The following DGKD variants were observed in gnomAD, a reference collection of about 807,000 sequenced individuals.
The protein encoded by DGKD is diacylglycerol kinase delta.
A neutral mutation model predicts 154.4 loss-of-function variants in DGKD; 68 were observed. That is an observed-to-expected ratio of 0.44 (90% confidence interval 0.36 to 0.54). The LOEUF (loss-of-function observed/expected upper bound fraction) is 0.54, where lower values mean the gene tolerates loss of function less well. DGKD is among the 20% of genes least tolerant of loss of function. DGKD has a pLI of 0.00. For synonymous variants in DGKD, 693 were observed against 638.0 expected, an observed-to-expected ratio of 1.09 and a Z score of -1.30; for missense variants, 1,343 against 1,593.6, an observed-to-expected ratio of 0.84 and a Z score of 2.68.
chr2:233,451,592 G>A (rs970182127), intron 17 of DGKD, among the ~76,000 whole-genome samples: 8 of 150,216 alleles, frequency 5.3e-5, no homozygotes, highest in African/African-American at 2.0e-4. Context: ...TTTTAAAAGA[G>A]GGTCTCTCTC....
At position 233,395,199 on chromosome 2, in the gene DGKD, C is replaced by CTT. The variant is rs551057616; in HGVS notation, c.348+4717_348+4718dup. ...TATTTATTTATTTTTGAGACAAGGT[C>CTT]TTGCTCTGTCACCCAGGCTGGAGTA... is the stretch of plus-strand genomic sequence containing the variant. On this transcript the variant is annotated intron_variant, in intron 3 of 29. Transcript: ENST00000264057. Among the ~76,000 whole-genome samples, 413 of 152,244 alleles carry CTT rather than the reference C, an allele frequency of 2.7e-3. 3 individuals are homozygous for CTT. Among genetic ancestry groups the CTT allele is most frequent in the Non-Finnish European group, 4.7e-3 (318 of 68,018 alleles).
intron 3 of DGKD, among the ~76,000 whole-genome samples, chr2:233,406,760 C>A (rs2125500468): frequency 6.6e-6 from 1 of 152,276 alleles, no homozygotes; most frequent in African/African-American, 2.4e-5. Flanking sequence ...AGACGAGGAG[C>A]TCTTGTATGA....
intron 3 of DGKD, among the ~76,000 whole-genome samples, chr2:233,421,920 A>C (rs541233405): frequency 1.8e-4 from 28 of 152,258 alleles, no homozygotes; most frequent in Non-Finnish European, 3.1e-4. Flanking sequence ...TTTGGAGCCC[A>C]ATGATGAAGA....
intron 19 of DGKD, among the ~76,000 whole-genome samples, chr2:233,455,919 G>A (rs2063445783): frequency 6.6e-6 from 1 of 152,258 alleles, no homozygotes; most frequent in South Asian, 2.1e-4. Context: ...ACATATCCCT[G>A]TACAGCACAG....
chr2:233,363,384 T>A (rs1436013748), intron 1 of DGKD, among the ~76,000 whole-genome samples: 1 of 152,170 alleles, frequency 6.6e-6, no homozygotes, highest in Admixed American at 6.5e-5. Flanking sequence ...AATAAGGATA[T>A]AAAGAAAATA....
intron 3 of DGKD, among the ~76,000 whole-genome samples, chr2:233,416,118 ATGTTTTATTGTGGTAGAATAC>A (rs1409991743): frequency 3.9e-5 from 6 of 152,068 alleles, no homozygotes; most frequent in Non-Finnish European, 5.9e-5. Flanking sequence ...TCCCTCATTT[ATGTTTTATTGTGGTAGAATAC>A]TGTTTTATTG....
At chr2:233,414,564 GC>G (rs1176204200) in intron 3 of DGKD, among the ~76,000 whole-genome samples, 6 of 152,202 alleles carry the variant, frequency 3.9e-5, no homozygotes, top group Non-Finnish European at 8.8e-5. Flanking sequence ...TGTGGCCCCA[GC>G]TCCTGACATT....
Position 233,394,690 on chromosome 2 carries a change from CCTTTTTTTTTTT to C in DGKD, c.348+4208_348+4219del, listed in dbSNP as rs1255308954. ...TTCCTTATTATTTTGAATTTAATTC[CCTTTTTTTTTTT>C]TTTTTTTTTTTTTTTTTTTTTTAGA... On this transcript the variant is annotated intron_variant, in intron 3 of 29. Coordinates refer to ENST00000264057, the MANE Select transcript of DGKD (RefSeq NM_152879.3). 2.2e-4 allele frequency among the ~76,000 whole-genome samples: 18 copies of C among 83,260 alleles called. 1 individual carries two copies. Among genetic ancestry groups the C allele is most frequent in the African/African-American group, 3.1e-4 (7 of 22,698 alleles). 54.6% of individuals were successfully genotyped at this position (83,260 alleles called of 152,430 possible).
chr2:233,456,086 CTT>C (rs961768537), intron 19 of DGKD, among the ~76,000 whole-genome samples: 1 of 152,212 alleles, frequency 6.6e-6, no homozygotes, highest in Non-Finnish European at 1.5e-5. Flanking sequence ...TCAAACCTCT[CTT>C]GAGTTTGTAT....
At position 233,440,780 on chromosome 2, in the gene DGKD, T is replaced by C. The variant is rs990443926; in HGVS notation, c.1086-1107T>C. On this transcript the variant is annotated intron_variant, in intron 9 of 29. Coordinates refer to ENST00000264057, the MANE Select transcript of DGKD (RefSeq NM_152879.3). This position sits in a 1 kb window ranked among gnomAD's most constrained non-coding sequence, Gnocchi z 4.9. Reference sequence around the variant, plus strand: ...AAAGCAAGGCCCGTGGCCAGGCTCGTGTTTTAGAAAGGTCTTCCTGGAACT... The same window carrying C: ...AAAGCAAGGCCCGTGGCCAGGCTCGCGTTTTAGAAAGGTCTTCCTGGAACT... Among the ~76,000 whole-genome samples the C allele has an allele frequency of 2.6e-5, 4 of 152,010 alleles. No individual in the cohort carries two copies. Among genetic ancestry groups the C allele is most frequent in the Middle Eastern group, 3.2e-3 (1 of 316 alleles).
chr2:233,437,987 A>G (rs1057079815), intron 8 of DGKD, among the ~76,000 whole-genome samples: 4 of 152,178 alleles, frequency 2.6e-5, no homozygotes, highest in Admixed American at 6.5e-5. Context: ...AGACAGCAGA[A>G]AGGTGGCATT....
chr2:233,461,119 A>C (rs1386577529), intron 24 of DGKD, among the ~76,000 whole-genome samples: 1 of 151,648 alleles, frequency 6.6e-6, no homozygotes, highest in East Asian at 1.9e-4. Context: ...GGTGGTCAGC[A>C]TTGTCTGCCA....
At chr2:233,416,374 C>T (rs2061961015) in intron 3 of DGKD, among the ~76,000 whole-genome samples, 1 of 152,202 alleles carries the variant, frequency 6.6e-6, no homozygotes, top group African/African-American at 2.4e-5. Context: ...CTAAGGGTGA[C>T]ACCTGGCCCA....
chr2:233,395,843 A>C (rs1268522723), intron 3 of DGKD, among the ~76,000 whole-genome samples: 1 of 151,778 alleles, frequency 6.6e-6, no homozygotes, highest in Non-Finnish European at 1.5e-5. Flanking sequence ...CAAGTTCACA[A>C]ATTTTATTAT....
chr2:233,386,996 A>G (rs186283639), intron 1 of DGKD, among the ~76,000 whole-genome samples: 6 of 152,260 alleles, frequency 3.9e-5, no homozygotes, highest in Non-Finnish European at 8.8e-5. Flanking sequence ...GTCCGTCCAC[A>G]TGTTGATGGC....
intron 1 of DGKD, among the ~76,000 whole-genome samples, chr2:233,366,698 C>T (rs775461624): frequency 1.3e-5 from 2 of 152,130 alleles, no homozygotes; most frequent in East Asian, 1.9e-4. Flanking sequence ...GTCCCTTCCT[C>T]CCCAGCCCCC....
chr2:233,363,030 A>G (rs901685662), intron 1 of DGKD, among the ~76,000 whole-genome samples: 3 of 152,390 alleles, frequency 2.0e-5, no homozygotes, highest in African/African-American at 4.8e-5. Flanking sequence ...ATAAACAACT[A>G]TGTTACTGGT....
At chr2:233,448,438 G>A in intron 14 of DGKD, 63 bp downstream of exon 14, 1 of 1,479,102 alleles carries the variant, frequency 6.8e-7, no homozygotes, top group Non-Finnish European at 9.4e-7. Flanking sequence ...TCTGTCACCA[G>A]CAGAGGGCCG....
chr2:233,359,836 T>A (rs1701698940), intron 1 of DGKD, among the ~76,000 whole-genome samples: 1 of 152,148 alleles, frequency 6.6e-6, no homozygotes, highest in African/African-American at 2.4e-5. Flanking sequence ...AATAAAACAA[T>A]CACACAGTTA....
Sources: allele counts gnomAD v4.1 joint callset (sites outside exome capture counted in the v4.1 genomes callset), GRCh38; gene constraint gnomAD v4.1.1; non-coding constraint Gnocchi (gnomAD v3.1); transcripts MANE v1.5; gene names NCBI Gene and HGNC (gene_info 2026-07-23, HGNC 2026-07-21).